LDAF1: variants seen among roughly 807,000 people sequenced by gnomAD.
LDAF1 encodes the protein PROMETHIN.
Under a neutral mutation model 13.5 loss-of-function variants are expected in LDAF1, and 7 were observed. The observed-to-expected ratio is 0.52, with a 90% CI of 0.29 to 0.97. LDAF1 has a LOEUF of 0.97. LDAF1 is among the 50% of genes least tolerant of loss of function. The probability of loss-of-function intolerance (pLI) is 0.07; values close to 1 mark genes in which losing one functional copy is unlikely to be tolerated. For missense variants in LDAF1, 148 were observed against 193.2 expected (o/e 0.77, Z 1.39); for synonymous variants, 69 against 77.1 (o/e 0.89, Z 0.55).
intron 2 of LDAF1, among the ~76,000 whole-genome samples, chr16:21,168,718 TA>T (rs1232500200): frequency 1.5e-5 from 2 of 135,108 alleles, no homozygotes; most frequent in East Asian, 4.1e-4. Flanking sequence ...ATTATATATA[TA>T]TTTTTAATAT....
At chr16:21,174,200 G>GT in intron 4 of LDAF1, 52 bp downstream of exon 4, 5 of 1,527,338 alleles carry the variant, frequency 3.3e-6, no homozygotes, top group Non-Finnish European at 3.5e-6. Flanking sequence ...CTACTTTTTT[G>GT]TTTTTTTGAG....
chr16:21,179,261 A>G, intron 4 of LDAF1: 1 of 651,106 alleles, frequency 1.5e-6, no homozygotes, highest in Non-Finnish European at 1.9e-6. Context: ...AAATTAGAAA[A>G]TGGAAAAGGG....
Position 21,180,123 on chromosome 16 carries a change from C to G in LDAF1, c.*567C>G, listed in dbSNP as rs1370804754. ...TCAAAAAAGTCTAAAGGTGTAGTTT[C>G]CACTGTAACTGTTGAGTACTGTTAA... On this transcript the variant is annotated 3_prime_UTR_variant, in exon 5 of 5. Coordinates refer to ENST00000233047, the MANE Select transcript of LDAF1 (RefSeq NM_001301771.2). The G allele has an allele frequency of 6.5e-6, 1 of 154,782 alleles. No individual in the cohort carries two copies. Among genetic ancestry groups the G allele is most frequent in the East Asian group, 1.9e-4 (1 of 5,212 alleles). The allele number at this position is 154,782 out of a possible 1,614,324, so 9.6% of individuals were successfully genotyped here.
Position 21,175,287 on chromosome 16 carries a change from G to A in LDAF1, c.404+1139G>A, listed in dbSNP as rs531288562. Among the ~76,000 whole-genome samples the A allele has an allele frequency of 2.8e-3, 421 of 152,296 alleles. 13 individuals are homozygous for A. The highest frequency in any genetic ancestry group is 0.01 in the Middle Eastern group (3 of 294). On this transcript the variant is annotated intron_variant, in intron 4 of 4. Coordinates refer to ENST00000233047, the MANE Select transcript of LDAF1 (RefSeq NM_001301771.2). ...AAACACTTTCCAGGCCTTATGTCAT[G>A]TAATCCTTAACAATTTAGCCCCTTT...
At position 21,164,868 on chromosome 16, in the gene LDAF1, C is replaced by G. The variant is rs562555781; in HGVS notation, c.96+3590C>G. 5.9e-5 allele frequency among the ~76,000 whole-genome samples: 9 copies of G among 152,330 alleles called. No individual in the cohort carries two copies. The East Asian group carries it at 1.2e-3, about 20-fold the overall frequency. Reference sequence around the variant, plus strand: ...AATGTTAATTGCTACGTTCTACCCCCCTGAGTTTAAATAGTGTTAGGTCGT... The same window carrying G: ...AATGTTAATTGCTACGTTCTACCCCGCTGAGTTTAAATAGTGTTAGGTCGT... On this transcript the variant is annotated intron_variant, in intron 2 of 4. Coordinates refer to ENST00000233047, the MANE Select transcript of LDAF1 (RefSeq NM_001301771.2).
At chr16:21,166,050 C>T (rs974949725) in intron 2 of LDAF1, among the ~76,000 whole-genome samples, 4 of 152,000 alleles carry the variant, frequency 2.6e-5, no homozygotes, top group East Asian at 1.9e-4. Context: ...TTACTAGAGA[C>T]GGGGTTTCAC....
At chr16:21,171,799 A>G (rs2093090960) in intron 3 of LDAF1, among the ~76,000 whole-genome samples, 1 of 151,622 alleles carries the variant, frequency 6.6e-6, no homozygotes, top group South Asian at 2.1e-4. Context: ...ATACAGTGGC[A>G]TGATCTCAAC....
chr16:21,159,338 C>G (rs1363770086), intron 1 of LDAF1: 4 of 1,613,980 alleles, frequency 2.5e-6, no homozygotes, highest in Non-Finnish European at 3.4e-6. Context: ...CATTTCACTC[C>G]CTTCCTCCTC....
At chr16:21,166,750 A>G (rs2093027734) in intron 2 of LDAF1, 4 of 1,084,738 alleles carry the variant, frequency 3.7e-6, no homozygotes, top group Non-Finnish European at 5.4e-6. Context: ...TTCGAACTGG[A>G]AAGAAGTCAG....
chr16:21,160,722 C>T (rs549169180), intron 1 of LDAF1, among the ~76,000 whole-genome samples: 1 of 152,222 alleles, frequency 6.6e-6, no homozygotes, highest in East Asian at 1.9e-4. Flanking sequence ...TCATACACAT[C>T]TTTTCACATC....
intron 2 of LDAF1, among the ~76,000 whole-genome samples, chr16:21,167,519 T>C (rs1442090165): frequency 1.3e-5 from 2 of 152,162 alleles, no homozygotes; most frequent in Non-Finnish European, 2.9e-5. Flanking sequence ...TTGAGTCAGA[T>C]CGAAAATTCC....
chr16:21,169,828 G>A (rs2093068215), intron 2 of LDAF1, among the ~76,000 whole-genome samples: 1 of 152,140 alleles, frequency 6.6e-6, no homozygotes. Flanking sequence ...GACCTTGGGT[G>A]GGGACCTCAG....
chr16:21,174,173 TTA>T, intron 4 of LDAF1, 25 bp downstream of exon 4: 3 of 1,586,618 alleles, frequency 1.9e-6, no homozygotes, highest in Non-Finnish European at 2.6e-6. Context: ...ATGAAATAAT[TTA>T]TTTTTTTAAT....
At chr16:21,177,745 G>A (rs1294961029) in intron 4 of LDAF1, among the ~76,000 whole-genome samples, 1 of 150,460 alleles carries the variant, frequency 6.6e-6, no homozygotes, top group African/African-American at 2.4e-5. Context: ...AGCCTCCCGA[G>A]TAGCTGGGAT....
rs1164466357 is a variant in LDAF1 at position 21,179,917 on chromosome 16, TGTTTTCAGAAATGAGG to T, written c.*363_*378del. ...GCAACAGTGATTGTTTATAGTTTTT[TGTTTTCAGAAATGAGG>T]GCAGCTGTTAATTTTTTCACTCATG... On this transcript the variant is annotated 3_prime_UTR_variant, in exon 5 of 5. Transcript: ENST00000233047. The T allele has an allele frequency of 6.0e-6, 1 of 167,098 alleles. No individual in the cohort carries two copies. The highest frequency in any genetic ancestry group is 2.4e-5 in the African/African-American group (1 of 41,842). 10.4% of individuals were successfully genotyped at this position (167,098 alleles called of 1,614,324 possible). A position where few individuals can be genotyped will look rare whatever the true frequency, so the allele number is the denominator to read the frequency against.
chr16:21,178,295 C>G, intron 4 of LDAF1: 1 of 985,350 alleles, frequency 1.0e-6, no homozygotes, highest in Non-Finnish European at 1.2e-6. Flanking sequence ...GCAGAGCCAC[C>G]AAACTCACTA....
At chr16:21,174,421 T>C (rs752067855) in intron 4 of LDAF1, among the ~76,000 whole-genome samples, 4 of 152,168 alleles carry the variant, frequency 2.6e-5, no homozygotes, top group Non-Finnish European at 4.4e-5. Flanking sequence ...GTTCTCTAAT[T>C]CCTGGGCTCA....
At chr16:21,169,621 T>G (rs2093066149) in intron 2 of LDAF1, among the ~76,000 whole-genome samples, 1 of 152,218 alleles carries the variant, frequency 6.6e-6, no homozygotes, top group African/African-American at 2.4e-5. Context: ...ATTCTGTATT[T>G]CTAACAAACT....
intron 1 of LDAF1, 195 bp from the exon 2 acceptor site, chr16:21,160,890 A>G: frequency 2.1e-6 from 1 of 468,290 alleles, no homozygotes; most frequent in African/African-American, 2.0e-5. Flanking sequence ...ATTTTGAGAT[A>G]CCTGTTGGAT....
Sources: gnomAD v4.1 joint callset for allele counts (sites outside exome capture counted in the v4.1 genomes callset) on GRCh38, gnomAD v4.1.1 for gene constraint, MANE v1.5 for transcripts, NCBI Gene and HGNC (gene_info 2026-07-23, HGNC 2026-07-21) for gene names.